The following RSPH4A variants were observed in gnomAD, a reference collection of about 807,000 sequenced individuals.
The protein encoded by RSPH4A is radial spoke head component 4A.
A neutral mutation model predicts 71.0 loss-of-function variants in RSPH4A; 47 were observed. That is an observed-to-expected ratio of 0.66 (90% CI 0.52 to 0.84). RSPH4A has a LOEUF of 0.84. Among genes scored for constraint, RSPH4A ranks in the 40% least tolerant of loss-of-function variants. The probability of loss-of-function intolerance (pLI) is 0.00; values close to 1 mark genes in which losing one functional copy is unlikely to be tolerated. For missense variants in RSPH4A, 793 were observed against 855.2 expected, an observed-to-expected ratio of 0.93 and a Z score of 0.91; for synonymous variants, 282 against 302.3, an observed-to-expected ratio of 0.93 and a Z score of 0.70.
At chr6:116,627,557 T>A (rs1172401926) in intron 2 of RSPH4A, 72 bp from the exon 3 acceptor site, 7 of 1,139,236 alleles carry the variant, frequency 6.1e-6, no homozygotes, top group Non-Finnish European at 9.4e-6. Context: ...AATATCGAGA[T>A]ACATGAAAAA....
chr6:116,632,949 T>C lies in RSPH4A; in HGVS notation c.*508T>C, dbSNP rs1583353758. On this transcript the variant is annotated 3_prime_UTR_variant, in exon 6 of 6. Coordinates refer to ENST00000229554, the MANE Select transcript of RSPH4A (RefSeq NM_001010892.3). ...ATGTATTCTTAACCTTTGTAAGAAC[T>C]GATCTCAGCATGTATTCTTAAACCT... 1 of 167,188 alleles carries C rather than the reference T, an allele frequency of 6.0e-6. No individual in the cohort carries two copies. Among genetic ancestry groups the C allele is most frequent in the African/African-American group, 2.4e-5 (1 of 41,556 alleles). The allele number at this position is 167,188 out of a possible 1,614,324, so 10.4% of individuals were successfully genotyped here.
rs784135 is a variant in RSPH4A, at chr6:116,630,847, A to T, written c.1916+295A>T. ...ACCACTATGCCCAGCTAATTTTTGT[A>T]TTTTTTTTTTTTTTTTTTTTTTTAG... On this transcript the variant is annotated intron_variant, in intron 5 of 5. Transcript: ENST00000229554. Among the ~76,000 whole-genome samples, 21,741 of 86,846 alleles carry T rather than the reference A, an allele frequency of 0.25. 2,540 individuals are homozygous for T. The highest frequency in any genetic ancestry group is 0.31 in the Non-Finnish European group (14,773 of 47,488). The allele number at this position is 86,846 out of a possible 152,430, so 57.0% of individuals were successfully genotyped here.
intron 2 of RSPH4A, 78 bp downstream of exon 2, chr6:116,623,080 C>G: frequency 1.1e-6 from 1 of 911,772 alleles, no homozygotes; most frequent in Non-Finnish European, 1.8e-6. Context: ...TAAATTCATA[C>G]CAACTGTATT....
At chr6:116,617,344 C>CTCATG in intron 1 of RSPH4A, 35 bp downstream of exon 1, 1 of 1,508,906 alleles carries the variant, frequency 6.6e-7, no homozygotes. Context: ...AAATGTTTGG[C>CTCATG]AAAGCAAGAG....
In RSPH4A at chr6:116,627,704, G is replaced by A. The variant is rs1403798096; in HGVS notation, c.997G>A (p.Glu333Lys). The change falls in exon 3 of 6, where the codon GAG becomes AAG. Residue 333 changes from glutamate (E) to lysine (K), a missense_variant. Physicochemically the swap from Glu to Lys is moderately conservative, Grantham distance 56. Transcript: ENST00000229554. Reference sequence around the variant, plus strand: ...AGCTGGAGTTGGTTTGGGCACAGATGAGACATACCGCATATTTCTTGCCCT... The same window carrying A: ...AGCTGGAGTTGGTTTGGGCACAGATAAGACATACCGCATATTTCTTGCCCT... ...EQAGVGLGTD[E>K]TYRIFLALKQ... is the part of the protein sequence containing the mutation. 6.2e-7 allele frequency: 1 copy of A among 1,614,044 alleles called. No individual in the cohort carries two copies. The highest frequency in any genetic ancestry group is 8.5e-7 in the Non-Finnish European group (1 of 1,180,038).
At chr6:116,624,487 A>G (rs1039631287) in intron 2 of RSPH4A, among the ~76,000 whole-genome samples, 3 of 152,202 alleles carry the variant, frequency 2.0e-5, no homozygotes, top group African/African-American at 7.2e-5. Flanking sequence ...GAATACAAAT[A>G]AGCTGTTTTG....
chr6:116,622,546 G>C (rs1775626727), intron 1 of RSPH4A, among the ~76,000 whole-genome samples: 1 of 152,124 alleles, frequency 6.6e-6, no homozygotes, highest in Non-Finnish European at 1.5e-5. Context: ...GAAAATCTCT[G>C]AAGACTTCAA....
intron 2 of RSPH4A, among the ~76,000 whole-genome samples, chr6:116,626,313 G>A (rs1006312968): frequency 5.3e-5 from 8 of 152,240 alleles, no homozygotes; most frequent in African/African-American, 1.9e-4. Flanking sequence ...TGTAGTTGAA[G>A]TTCTTTCCTA....
rs1205744498 is a variant in RSPH4A, at chr6:116,628,368, A to G, written c.1661A>G (p.Gln554Arg). The G allele has an allele frequency of 6.2e-7, 1 of 1,609,246 alleles. No homozygotes were observed. The highest frequency in any genetic ancestry group is 1.3e-5 in the African/African-American group (1 of 74,944). The change falls in exon 3 of 6, where the codon CAG becomes CGG. Residue 554 changes from glutamine (Q) to arginine (R), a missense_variant and splice_region_variant. Physicochemically the swap from Gln to Arg is conservative, Grantham distance 43. Transcript: ENST00000229554. ...CATCATGTACAGCATATTCTCTCTC[A>G]GGTAGGAGCTTTGCACTTCTCAATC... is the stretch of plus-strand genomic sequence containing the variant. The part of the protein sequence containing the change: ...WVHHVQHILS[Q>R]GRCNWFNSIQ...
At position 116,617,237 on chromosome 6, in the gene RSPH4A, GC is replaced by G; in HGVS notation, c.615del (p.Ser205ArgfsTer15). 6.2e-7 allele frequency: 1 copy of G among 1,614,118 alleles called. No individual in the cohort carries two copies. Among genetic ancestry groups the G allele is most frequent in the African/African-American group, 1.3e-5 (1 of 75,044 alleles). On this transcript the variant is annotated frameshift_variant, in exon 1 of 6. Coordinates refer to ENST00000229554, the MANE Select transcript of RSPH4A (RefSeq NM_001010892.3). LOFTEE classifies it high-confidence loss of function. ...CCTGGGGGCTCTGAAGTGGCCCCCA[GC>G]ATGCTTGAGATCACCATTCAGAATG... ...PAPGGSEVAP[S>X]MLEITIQNAK...
Position 116,622,792 on chromosome 6 carries a change from G to A in RSPH4A, c.711G>A (p.Leu237=), listed in dbSNP as rs752300778. The A allele has an allele frequency of 1.9e-5, 30 of 1,606,794 alleles. No homozygotes were observed. The highest frequency in any genetic ancestry group is 2.4e-5 in the Non-Finnish European group (28 of 1,173,812). Residue 237 remains leucine, a synonymous_variant, in exon 2 of 6, where the codon TTG becomes TTA. Coordinates refer to ENST00000229554, the MANE Select transcript of RSPH4A (RefSeq NM_001010892.3). ...GATATGATCATCTTTCTAATATGTTGACCAAGATATTAAATGAGCGTCCTG... is the reference window on the plus strand; with the variant it reads ...GATATGATCATCTTTCTAATATGTTAACCAAGATATTAAATGAGCGTCCTG... ...FNLYDHLSNM[L]TKILNERPEN...
Position 116,628,243 on chromosome 6 carries a change from G to A in RSPH4A, c.1536G>A (p.Glu512=), listed in dbSNP as rs533664718. ...FYQFGEEEGE[E]EEEAEGGRNS... is the part of the protein sequence containing the mutation. ...AGTTTGGTGAAGAGGAAGGAGAGGA[G>A]GAGGAAGAGGCAGAAGGTGGGCGAA... Residue 512 remains glutamate, a synonymous_variant, in exon 3 of 6, where the codon GAG becomes GAA. Coordinates refer to ENST00000229554, the MANE Select transcript of RSPH4A (RefSeq NM_001010892.3). 424 of 1,612,498 alleles carry A rather than the reference G, an allele frequency of 2.6e-4. 6 individuals are homozygous for A. In the South Asian group the frequency reaches 4.4e-3, roughly 17 times the overall value.
At chr6:116,631,988 C>G (rs1775811568) in intron 5 of RSPH4A, among the ~76,000 whole-genome samples, 1 of 151,736 alleles carries the variant, frequency 6.6e-6, no homozygotes, top group Non-Finnish European at 1.5e-5. Context: ...TATCTGGCCC[C>G]ATGGTTTTTT....
chr6:116,629,249 AAATT>A (rs1168566633), intron 3 of RSPH4A, among the ~76,000 whole-genome samples: 1 of 152,172 alleles, frequency 6.6e-6, no homozygotes, highest in Non-Finnish European at 1.5e-5. Context: ...TCTCTCACAT[AAATT>A]ATTTACCACA....
rs1285644929 is a variant in RSPH4A, at chr6:116,622,870, T to G, written c.789T>G (p.His263Gln). 2 of 1,613,200 alleles carry G rather than the reference T, an allele frequency of 1.2e-6. No homozygotes were observed. The highest frequency in any genetic ancestry group is 3.3e-5 in the Admixed American group (2 of 59,980). ...ENISQDVKMA[H>Q]FSKKFDALQN... ...TTAGCCAAGATGTGAAGATGGCACA[T>G]TTTAGTAAAAAATTTGATGCACTAC... Residue 263 changes from histidine to glutamine, a missense_variant, in exon 2 of 6, where the codon CAT (histidine) becomes CAG (glutamine). Physicochemically the swap from His to Gln is conservative, Grantham distance 24. Transcript: ENST00000229554.
In RSPH4A at chr6:116,630,453, C is replaced by G. The variant is rs138413282; in HGVS notation, c.1817C>G (p.Pro606Arg). The change falls in exon 5 of 6, where the codon CCC (proline) becomes CGC (arginine). Residue 606 changes from proline (P) to arginine (R), a missense_variant. Transcript: ENST00000229554. ...GTTCCAGAGATTCAGAATATACCCC[C>G]CTGGACAACACGGTTATCCTCAAAT... is the stretch of plus-strand genomic sequence containing the variant. ...SEDLEIQNIP[P>R]WTTRLSSNLI... is the part of the protein sequence containing the mutation. The G allele has an allele frequency of 3.1e-5, 50 of 1,594,908 alleles. No homozygotes were observed. The highest frequency in any genetic ancestry group is 1.6e-4 in the East Asian group (7 of 44,748).
Position 116,628,237 on chromosome 6 carries a change from AGAG to A in RSPH4A, c.1539_1541del (p.Glu515del), listed in dbSNP as rs1457063923. On this transcript the variant is annotated inframe_deletion, in exon 3 of 6. Transcript: ENST00000229554. ...TTTATCAGTTTGGTGAAGAGGAAGG[AGAG>A]GAGGAGGAAGAGGCAGAAGGTGGGC... 1 of 1,612,890 alleles carries A rather than the reference AGAG, an allele frequency of 6.2e-7. No individual in the cohort carries two copies. Among genetic ancestry groups the A allele is most frequent in the South Asian group, 1.1e-5 (1 of 91,054 alleles).
intron 2 of RSPH4A, among the ~76,000 whole-genome samples, chr6:116,624,573 A>G (rs1314093260): frequency 6.6e-6 from 1 of 152,206 alleles, no homozygotes; most frequent in Admixed American, 6.5e-5. Context: ...TAAAGCCTGG[A>G]ACAGCTGAGT....
chr6:116,626,774 C>G (rs1032888808), intron 2 of RSPH4A, among the ~76,000 whole-genome samples: 14 of 152,224 alleles, frequency 9.2e-5, no homozygotes, highest in Non-Finnish European at 1.9e-4. Flanking sequence ...GAGCATCTGA[C>G]TACATTATGT....
Sources: allele counts gnomAD v4.1 joint callset (sites outside exome capture counted in the v4.1 genomes callset), GRCh38; gene constraint gnomAD v4.1.1; transcripts MANE v1.5; gene names NCBI Gene and HGNC (gene_info 2026-07-23, HGNC 2026-07-21).